The following PHLPP1 variants were observed in gnomAD, a reference collection of about 807,000 sequenced individuals.
PHLPP1 encodes the protein PH domain leucine-rich repeat-containing protein phosphatase 1.
In PHLPP1, 42 loss-of-function variants were observed where a neutral mutation model predicts 117.2. The ratio of observed to expected loss-of-function variants is 0.36; its 90% CI spans 0.28 to 0.46. The LOEUF is 0.46. Among genes scored for constraint, PHLPP1 ranks in the 20% least tolerant of loss-of-function variants. PHLPP1 has a pLI of 1.00. For synonymous variants in PHLPP1, 1,042 were observed against 970.7 expected, an observed-to-expected ratio of 1.07 and a Z score of -1.37; for missense variants, 2,084 against 2,241.9, an observed-to-expected ratio of 0.93 and a Z score of 1.42.
chr18:62,787,935 G>T (rs1869950821), intron 1 of PHLPP1, among the ~76,000 whole-genome samples: 1 of 152,160 alleles, frequency 6.6e-6, no homozygotes, highest in South Asian at 2.1e-4. Context: ...AAGTACATTT[G>T]CCCTGTTTAG....
intron 6 of PHLPP1, among the ~76,000 whole-genome samples, chr18:62,900,900 G>T (rs1016206312): frequency 6.6e-6 from 1 of 152,152 alleles, no homozygotes; most frequent in Admixed American, 6.5e-5. Flanking sequence ...CAAAAGTCAT[G>T]CTGTACACAA....
At position 62,942,038 on chromosome 18, in the gene PHLPP1, C is replaced by T. The variant is rs1037419090; in HGVS notation, c.3161+120C>T. The T allele has an allele frequency of 6.9e-6, 5 of 729,494 alleles. No individual in the cohort carries two copies. In the East Asian group the frequency reaches 1.4e-4, roughly 20 times the overall value. 45.2% of individuals were successfully genotyped at this position (729,494 alleles called of 1,614,324 possible). A position where few individuals can be genotyped will look rare whatever the true frequency, so the allele number is the denominator to read the frequency against. On this transcript the variant is annotated intron_variant, in intron 11 of 16. Transcript: ENST00000262719. ...TCAAGTTTGTTTGCTTGTTCCTGCT[C>T]CCTTCACAGTTTCCTTTATGTAAGC...
chr18:62,856,915 C>T (rs767491807), intron 3 of PHLPP1, among the ~76,000 whole-genome samples: 3 of 151,772 alleles, frequency 2.0e-5, no homozygotes, highest in Non-Finnish European at 4.4e-5. Flanking sequence ...GCAGTCTTGA[C>T]CCCCTTTCTC....
intron 2 of PHLPP1, among the ~76,000 whole-genome samples, chr18:62,836,355 C>G (rs983034118): frequency 4.0e-5 from 6 of 151,496 alleles, no homozygotes; most frequent in African/African-American, 1.4e-4. Flanking sequence ...TCGCTTGAAC[C>G]TGGGAGGCAG....
At chr18:62,772,048 G>C (rs1001622860) in intron 1 of PHLPP1, among the ~76,000 whole-genome samples, 5 of 152,164 alleles carry the variant, frequency 3.3e-5, no homozygotes, top group African/African-American at 9.7e-5. Flanking sequence ...CTAGAGTGCT[G>C]TCATCTGTCT....
At chr18:62,768,762 T>G (rs2144262433) in intron 1 of PHLPP1, among the ~76,000 whole-genome samples, 1 of 152,246 alleles carries the variant, frequency 6.6e-6, no homozygotes, top group African/African-American at 2.4e-5. Context: ...AATTATATGA[T>G]TACCTAACAA....
intron 12 of PHLPP1, among the ~76,000 whole-genome samples, chr18:62,957,717 T>A (rs937738792): frequency 2.8e-5 from 4 of 144,342 alleles, no homozygotes; most frequent in African/African-American, 1.0e-4. Flanking sequence ...CGGATTCTTA[T>A]TTTTTTTTTT....
chr18:62,750,522 AT>A (rs1911815478), intron 1 of PHLPP1, among the ~76,000 whole-genome samples: 1 of 152,138 alleles, frequency 6.6e-6, no homozygotes, highest in Non-Finnish European at 1.5e-5. Flanking sequence ...CCCCGCACTT[AT>A]ATTTTTATAG....
At chr18:62,858,409 C>G (rs1410056152) in intron 3 of PHLPP1, among the ~76,000 whole-genome samples, 2 of 152,050 alleles carry the variant, frequency 1.3e-5, no homozygotes, top group Non-Finnish European at 2.9e-5. Context: ...ATTACAGGCA[C>G]CCACCACTAC....
At chr18:62,806,333 A>G (rs542032507) in intron 1 of PHLPP1, among the ~76,000 whole-genome samples, 1 of 152,312 alleles carries the variant, frequency 6.6e-6, no homozygotes, top group South Asian at 2.1e-4. Flanking sequence ...GGATTTACTG[A>G]TACATTTGGA....
chr18:62,948,164 A>G (rs1910354209), intron 12 of PHLPP1, among the ~76,000 whole-genome samples: 1 of 152,106 alleles, frequency 6.6e-6, no homozygotes, highest in Non-Finnish European at 1.5e-5. Context: ...GTCTCTACTA[A>G]AAATACAAAA....
At position 62,934,940 on chromosome 18, in the gene PHLPP1, A is replaced by G. The variant is rs560475254; in HGVS notation, c.2961-6778A>G. The stretch of plus-strand genomic sequence containing the variant: ...CTAAAGCCAATTTCTTAATGGGGAA[A>G]CCCCATTGGTATTTCTACTAAGATC... On this transcript the variant is annotated intron_variant, in intron 10 of 16. Coordinates refer to ENST00000262719, the MANE Select transcript of PHLPP1 (RefSeq NM_194449.4). Among the ~76,000 whole-genome samples the G allele has an allele frequency of 2.0e-3, 300 of 152,324 alleles. 3 individuals are homozygous for G. Among genetic ancestry groups the G allele is most frequent in the African/African-American group, 6.8e-3 (282 of 41,580 alleles).
chr18:62,912,239 A>G (rs965420265), intron 8 of PHLPP1, among the ~76,000 whole-genome samples: 12 of 150,468 alleles, frequency 8.0e-5, no homozygotes, highest in Non-Finnish European at 1.5e-4. Context: ...CTAGCATGGG[A>G]CATGTATACA....
intron 12 of PHLPP1, among the ~76,000 whole-genome samples, chr18:62,952,286 T>C (rs1444359566): frequency 6.6e-6 from 1 of 152,150 alleles, no homozygotes; most frequent in Non-Finnish European, 1.5e-5. Flanking sequence ...GAAGGGATGA[T>C]GTAAAGAAAT....
At chr18:62,839,156 T>C in intron 3 of PHLPP1, 1 of 393,758 alleles carries the variant, frequency 2.5e-6, no homozygotes, top group South Asian at 4.4e-5. Flanking sequence ...CAGGCATTAC[T>C]ATCTTAATGT....
At chr18:62,831,883 G>A (rs1300229379) in intron 2 of PHLPP1, among the ~76,000 whole-genome samples, 1 of 152,202 alleles carries the variant, frequency 6.6e-6, no homozygotes, top group Non-Finnish European at 1.5e-5. Context: ...GGCTGTGCAA[G>A]ATGCGTTTAG....
chr18:62,868,685 C>T (rs1325909972), intron 4 of PHLPP1, among the ~76,000 whole-genome samples: 1 of 149,450 alleles, frequency 6.7e-6, no homozygotes, highest in Non-Finnish European at 1.5e-5. Context: ...ATTAAATGTA[C>T]AAATTTAGTT....
intron 9 of PHLPP1, among the ~76,000 whole-genome samples, chr18:62,918,429 A>AATAAATATATATATATAT (rs375057055): frequency 7.1e-6 from 1 of 140,458 alleles, no homozygotes. Flanking sequence ...GTAAAGGATA[A>AATAAATATATATATATAT]ATATATATAT....
chr18:62,779,005 A>G (rs995315364), intron 1 of PHLPP1, among the ~76,000 whole-genome samples: 10 of 152,208 alleles, frequency 6.6e-5, no homozygotes, highest in African/African-American at 2.4e-4. Flanking sequence ...AAAATTTGTA[A>G]TGATTTTGTT....
Sources: allele counts gnomAD v4.1 joint callset (sites outside exome capture counted in the v4.1 genomes callset), GRCh38; gene constraint gnomAD v4.1.1; transcripts MANE v1.5; gene names NCBI Gene and HGNC (gene_info 2026-07-23, HGNC 2026-07-21).